RALGPS1: variants seen among roughly 807,000 people sequenced by gnomAD.
RALGPS1 encodes ras-specific guanine nucleotide-releasing factor RalGPS1.
In RALGPS1, 19 loss-of-function variants were observed where a neutral mutation model predicts 78.8. The observed-to-expected ratio is 0.24, with a 90% CI of 0.17 to 0.35. The LOEUF (loss-of-function observed/expected upper bound fraction) is 0.35. Among genes scored for constraint, RALGPS1 ranks in the 10% least tolerant of loss-of-function variants. The pLI is 1.00. For synonymous variants in RALGPS1, 228 were observed against 256.3 expected, an observed-to-expected ratio of 0.89 and a Z score of 1.06; for missense variants, 454 against 688.3, an observed-to-expected ratio of 0.66 and a Z score of 3.81.
chr9:127,045,850 CA>C (rs569203719), intron 5 of RALGPS1, among the ~76,000 whole-genome samples: 34 of 151,944 alleles, frequency 2.2e-4, no homozygotes, highest in African/African-American at 8.2e-4. Context: ...ACCCCAGTAG[CA>C]GCAAGCATAC....
At chr9:127,184,893 C>T (rs762977726) in intron 11 of RALGPS1, among the ~76,000 whole-genome samples, 1 of 152,194 alleles carries the variant, frequency 6.6e-6, no homozygotes, top group Non-Finnish European at 1.5e-5. Context: ...CCCCTGTGAG[C>T]GGCAGCAGGG....
intron 18 of RALGPS1, chr9:127,217,568 C>A: frequency 2.2e-6 from 1 of 450,266 alleles, no homozygotes; most frequent in Non-Finnish European, 2.9e-6. Flanking sequence ...GTATAAACAA[C>A]AGCAATAAAA....
intron 5 of RALGPS1, among the ~76,000 whole-genome samples, chr9:127,044,437 G>T (rs904995824): frequency 1.3e-5 from 2 of 152,068 alleles, no homozygotes; most frequent in African/African-American, 2.4e-5. Flanking sequence ...TGTATTTTTA[G>T]TAGGGATGGG....
At chr9:127,159,380 C>G (rs2058887318) in intron 8 of RALGPS1, among the ~76,000 whole-genome samples, 1 of 152,186 alleles carries the variant, frequency 6.6e-6, no homozygotes, top group Non-Finnish European at 1.5e-5. Context: ...TCTGTCCAGA[C>G]AGCAGGACTT....
intron 8 of RALGPS1, among the ~76,000 whole-genome samples, chr9:127,092,560 G>T (rs1163050483): frequency 6.6e-6 from 1 of 152,104 alleles, no homozygotes; most frequent in Non-Finnish European, 1.5e-5. Flanking sequence ...GAGCGCTTGT[G>T]ATGTGCTGGC....
chr9:127,044,570 A>T (rs556130492), intron 5 of RALGPS1, among the ~76,000 whole-genome samples: 83 of 152,128 alleles, frequency 5.5e-4, no homozygotes, highest in African/African-American at 7.0e-4. Context: ...TCTTTTTTTT[A>T]AAAAAATAAT....
intron 4 of RALGPS1, among the ~76,000 whole-genome samples, chr9:127,026,249 G>A (rs1328498156): frequency 2.0e-5 from 3 of 152,174 alleles, no homozygotes; most frequent in Non-Finnish European, 4.4e-5. Flanking sequence ...CTAGGCCAGT[G>A]TAGTCTTTTC....
intron 9 of RALGPS1, among the ~76,000 whole-genome samples, chr9:127,166,771 C>T (rs768774136): frequency 1.3e-5 from 2 of 152,092 alleles, no homozygotes; most frequent in South Asian, 2.1e-4. Flanking sequence ...ATGTGGTAAG[C>T]GACTGGCCAC....
chr9:127,034,373 CT>C lies in RALGPS1; in HGVS notation c.217-57del. ...ATGCTCATGTTCCCATTTAATGCCC[CT>C]GGTGTATTTTGCATCCCAACTAGAA... On this transcript the variant is annotated intron_variant, in intron 4 of 18. Coordinates refer to ENST00000259351, the MANE Select transcript of RALGPS1 (RefSeq NM_014636.3). 4 of 1,457,560 alleles carry C rather than the reference CT, an allele frequency of 2.7e-6. No homozygotes were observed. In the Admixed American group the frequency reaches 5.0e-5, roughly 18 times the overall value. 90.3% of individuals were successfully genotyped at this position (1,457,560 alleles called of 1,614,324 possible).
At chr9:127,138,775 G>A (rs2057570655) in intron 8 of RALGPS1, among the ~76,000 whole-genome samples, 1 of 152,042 alleles carries the variant, frequency 6.6e-6, no homozygotes, top group South Asian at 2.1e-4. Context: ...AGCTGCGTGA[G>A]GACTCCATGG....
intron 5 of RALGPS1, among the ~76,000 whole-genome samples, chr9:127,041,031 T>TTGTGTGTGTG (rs58541875): frequency 0.17 from 23,426 of 135,592 alleles, 2,438 homozygotes; most frequent in East Asian, 0.36. Flanking sequence ...CTACAAACAT[T>TTGTGTGTGTG]TGTGTGTGTG....
intron 13 of RALGPS1, among the ~76,000 whole-genome samples, chr9:127,198,669 C>A (rs561113390): frequency 6.6e-6 from 1 of 152,266 alleles, no homozygotes; most frequent in East Asian, 1.9e-4. Flanking sequence ...GAGGCCTGTT[C>A]TAGTCCTGGC....
rs192945642 is a variant in RALGPS1, at chr9:126,955,624, T to A, written c.-65-6601T>A. 4.2e-3 allele frequency among the ~76,000 whole-genome samples: 643 copies of A among 152,222 alleles called. 3 individuals carry two copies. Among genetic ancestry groups the A allele is most frequent in the Non-Finnish European group, 7.5e-3 (511 of 68,016 alleles). On this transcript the variant is annotated intron_variant, in intron 1 of 18. Transcript: ENST00000259351. ...ACATAACAAATTATTTAAAAAACAA[T>A]TTAATATATTTTAATATAATTTTTT...
At chr9:127,197,068 C>T (rs144382426) in intron 13 of RALGPS1, among the ~76,000 whole-genome samples, 3 of 152,318 alleles carry the variant, frequency 2.0e-5, no homozygotes, top group African/African-American at 7.2e-5. Context: ...TCACTGCGTA[C>T]TTGTCTTCAC....
intron 8 of RALGPS1, among the ~76,000 whole-genome samples, chr9:127,141,637 A>AAAAG (rs1554842402): frequency 1.1e-4 from 16 of 151,190 alleles, no homozygotes; most frequent in Admixed American, 2.0e-4. Context: ...AAAAAAAAAA[A>AAAAG]AAAGAAAGAA....
chr9:127,041,193 G>A (rs1488742859), intron 5 of RALGPS1, among the ~76,000 whole-genome samples: 1 of 152,018 alleles, frequency 6.6e-6, no homozygotes, highest in Non-Finnish European at 1.5e-5. Flanking sequence ...CTGGATTTAA[G>A]CGATTCTCCT....
At chr9:127,182,499 G>A (rs2060337059) in intron 11 of RALGPS1, among the ~76,000 whole-genome samples, 4 of 149,032 alleles carry the variant, frequency 2.7e-5, no homozygotes, top group Non-Finnish European at 5.9e-5. Context: ...ATGTGATCTC[G>A]GCTCACTGCA....
At chr9:127,165,713 A>T (rs2059260300) in intron 8 of RALGPS1, among the ~76,000 whole-genome samples, 1 of 152,236 alleles carries the variant, frequency 6.6e-6, no homozygotes, top group Non-Finnish European at 1.5e-5. Flanking sequence ...TGGACATGGC[A>T]CCTTAGACCT....
At chr9:127,080,328 A>G (rs2051060112) in intron 8 of RALGPS1, among the ~76,000 whole-genome samples, 1 of 152,250 alleles carries the variant, frequency 6.6e-6, no homozygotes, top group African/African-American at 2.4e-5. Context: ...TTACAAAAGT[A>G]ACACATTGCT....
Sources: gnomAD v4.1 joint callset for allele counts (sites outside exome capture counted in the v4.1 genomes callset) on GRCh38, gnomAD v4.1.1 for gene constraint, MANE v1.5 for transcripts, NCBI Gene and HGNC (gene_info 2026-07-23, HGNC 2026-07-21) for gene names.